Variants in PAFAH1B2 observed in about 807,000 individuals in gnomAD.
The protein encoded by PAFAH1B2 is platelet-activating factor acetylhydrolase IB subunit alpha2.
Under a neutral mutation model 28.0 loss-of-function variants are expected in PAFAH1B2, and 8 were observed. The observed-to-expected ratio is 0.29, with a 90% confidence interval of 0.17 to 0.52. PAFAH1B2 has a LOEUF of 0.52. PAFAH1B2 is among the 20% of genes least tolerant of loss of function. PAFAH1B2 has a pLI of 0.97. For synonymous variants in PAFAH1B2, 104 were observed against 103.2 expected (o/e 1.01, Z -0.05); for missense variants, 190 against 282.6 (o/e 0.67, Z 2.35).
rs1956556218 is a variant in PAFAH1B2 at position 117,168,226 on chromosome 11, T to C, written c.*527T>C. On this transcript the variant is annotated 3_prime_UTR_variant, in exon 6 of 6. Transcript: ENST00000527958. Reference sequence around the variant, plus strand: ...TCAGGTTGAACATGCTTGTCATTGATATATGGAAGATGCTATAGTTAGAAG... The same window carrying C: ...TCAGGTTGAACATGCTTGTCATTGACATATGGAAGATGCTATAGTTAGAAG... 3 of 1,059,188 alleles carry C rather than the reference T, an allele frequency of 2.8e-6. No individual in the cohort carries two copies. The highest frequency in any genetic ancestry group is 1.1e-4 in the Admixed American group (2 of 18,598). The allele number at this position is 1,059,188 out of a possible 1,614,324, so 65.6% of individuals were successfully genotyped here.
chr11:117,155,283 G>GA (rs1390906919), intron 2 of PAFAH1B2, among the ~76,000 whole-genome samples: 2 of 152,186 alleles, frequency 1.3e-5, no homozygotes, highest in Non-Finnish European at 2.9e-5. Flanking sequence ...GGGTAGTGTT[G>GA]AAAGACTTGC....
chr11:117,164,593 A>G (rs760197633), intron 5 of PAFAH1B2, among the ~76,000 whole-genome samples: 3 of 152,190 alleles, frequency 2.0e-5, no homozygotes, highest in African/African-American at 7.2e-5. Context: ...TAGACATTCT[A>G]ATCTTCTCTA....
chr11:117,151,185 T>C lies in PAFAH1B2; in HGVS notation c.-7-1256T>C, dbSNP rs114731712. ...AGTTCTAATTTTGCGGAATTTTACT[T>C]GCTAGATGACATATTTGGACTCATC... On this transcript the variant is annotated intron_variant, in intron 1 of 5. Transcript: ENST00000527958. Among the ~76,000 whole-genome samples the C allele has an allele frequency of 6.4e-3, 966 of 151,950 alleles. 8 individuals are homozygous for C. Among genetic ancestry groups the C allele is most frequent in the African/African-American group, 0.022 (901 of 41,478 alleles).
At chr11:117,151,237 T>TTC (rs1415726549) in intron 1 of PAFAH1B2, among the ~76,000 whole-genome samples, 6 of 148,938 alleles carry the variant, frequency 4.0e-5, no homozygotes, top group African/African-American at 1.5e-4. Context: ...CTTTTTCTTT[T>TTC]TTTTTTTTTT....
chr11:117,171,778 G>A (rs753683167), downstream of PAFAH1B2: 132 of 1,515,724 alleles, frequency 8.7e-5, 1 homozygote, highest in Middle Eastern at 3.4e-4. Flanking sequence ...ATGTTCCTTG[G>A]CAGCTAAAAG....
chr11:117,158,199 C>CT (rs755464271), intron 2 of PAFAH1B2, among the ~76,000 whole-genome samples: 2 of 152,094 alleles, frequency 1.3e-5, no homozygotes, highest in Non-Finnish European at 1.5e-5. Context: ...AATTTGTTTT[C>CT]TTTTTTCTTT....
rs1015290556 is a variant in PAFAH1B2, at chr11:117,169,841, A to G, written c.*2142A>G. The G allele has an allele frequency of 9.5e-7, 1 of 1,055,060 alleles. No homozygotes were observed. Among genetic ancestry groups the G allele is most frequent in the African/African-American group, 1.7e-5 (1 of 60,348 alleles). 65.4% of individuals were successfully genotyped at this position (1,055,060 alleles called of 1,614,324 possible). A position where few individuals can be genotyped will look rare whatever the true frequency, so the allele number is the denominator to read the frequency against. On this transcript the variant is annotated 3_prime_UTR_variant, in exon 6 of 6. Transcript: ENST00000527958. ...CTATCCACGTCTTTTTCTGTTTGTC[A>G]GAAGGTGGGAGTATGGTCCAAATAA...
At chr11:117,162,278 C>T (rs1956391638) in intron 4 of PAFAH1B2, among the ~76,000 whole-genome samples, 1 of 152,126 alleles carries the variant, frequency 6.6e-6, no homozygotes, top group Non-Finnish European at 1.5e-5. Flanking sequence ...GGACTGCAGG[C>T]ATGTGCCACC....
At chr11:117,157,518 C>CT (rs1423070655) in intron 2 of PAFAH1B2, among the ~76,000 whole-genome samples, 1 of 152,160 alleles carries the variant, frequency 6.6e-6, no homozygotes, top group East Asian at 1.9e-4. Flanking sequence ...GGATGAATAT[C>CT]TGAGTTTTAC....
In PAFAH1B2 at chr11:117,170,743, T is replaced by A. The variant is rs1956634144; in HGVS notation, c.*3044T>A. On this transcript the variant is annotated 3_prime_UTR_variant, in exon 6 of 6. Coordinates refer to ENST00000527958, the MANE Select transcript of PAFAH1B2 (RefSeq NM_002572.4). ...TGTCTGTGCTGTGGTGTATGAGCATTGCCAACTTTATATTTATTGCAGTGA... is the reference window on the plus strand; with the variant it reads ...TGTCTGTGCTGTGGTGTATGAGCATAGCCAACTTTATATTTATTGCAGTGA... 3 of 1,060,912 alleles carry A rather than the reference T, an allele frequency of 2.8e-6. No homozygotes were observed. Among genetic ancestry groups the A allele is most frequent in the Non-Finnish European group, 3.4e-6 (3 of 876,688 alleles). 65.7% of individuals were successfully genotyped at this position (1,060,912 alleles called of 1,614,324 possible). A position where few individuals can be genotyped will look rare whatever the true frequency, so the allele number is the denominator to read the frequency against.
At chr11:117,161,022 C>T (rs1956359274) in intron 3 of PAFAH1B2, 123 bp from the exon 4 acceptor site, 1 of 681,276 alleles carries the variant, frequency 1.5e-6, no homozygotes, top group Admixed American at 2.9e-5. Flanking sequence ...AACAGTGTCA[C>T]ACCATTACAG....
At chr11:117,173,242 A>G (rs59886407), downstream of PAFAH1B2, among the ~76,000 whole-genome samples, 1 of 152,348 alleles carries the variant, frequency 6.6e-6, no homozygotes, top group African/African-American at 2.4e-5. Context: ...CCCAGTGTGA[A>G]TGGTGAAAGC....
At chr11:117,171,617 C>A, downstream of PAFAH1B2, 1 of 1,093,912 alleles carries the variant, frequency 9.1e-7, no homozygotes. Flanking sequence ...CCCTTACGTC[C>A]CCAGGGTAAA....
chr11:117,150,890 A>G (rs2134173132), intron 1 of PAFAH1B2, among the ~76,000 whole-genome samples: 1 of 151,642 alleles, frequency 6.6e-6, no homozygotes, highest in African/African-American at 2.4e-5. Context: ...TGGGAGGCTG[A>G]GGCAGGAGAA....
rs1204712904 is a variant in PAFAH1B2, at chr11:117,169,007, T to G, written c.*1308T>G. On this transcript the variant is annotated 3_prime_UTR_variant, in exon 6 of 6. Transcript: ENST00000527958. ...GATTTCGCCATGTTAACCAGGCTGG[T>G]CTCGAACTCCTGACCTCAGGTGATC... The G allele has an allele frequency of 2.3e-6, 1 of 438,676 alleles. No individual in the cohort carries two copies. Among genetic ancestry groups the G allele is most frequent in the African/African-American group, 2.1e-5 (1 of 47,330 alleles). 27.2% of individuals were successfully genotyped at this position (438,676 alleles called of 1,614,324 possible). A position where few individuals can be genotyped will look rare whatever the true frequency, so the allele number is the denominator to read the frequency against.
chr11:117,172,226 A>C (rs1313242366), downstream of PAFAH1B2, among the ~76,000 whole-genome samples: 1 of 152,030 alleles, frequency 6.6e-6, no homozygotes, highest in Non-Finnish European at 1.5e-5. Context: ...ATGAAATCTT[A>C]ACCCAATGAC....
chr11:117,171,439 G>A (rs1223424146), downstream of PAFAH1B2, among the ~76,000 whole-genome samples: 2 of 152,116 alleles, frequency 1.3e-5, no homozygotes, highest in Non-Finnish European at 2.9e-5. Context: ...AGGAGGCTGA[G>A]GTGGGAGAAT....
Position 117,163,298 on chromosome 11 carries a change from G to T in PAFAH1B2, c.289-472G>T, listed in dbSNP as rs529484219. 2.4e-4 allele frequency among the ~76,000 whole-genome samples: 37 copies of T among 152,064 alleles called. No individual in the cohort carries two copies. The South Asian group carries it at 7.3e-3, about 30-fold the overall frequency. On this transcript the variant is annotated intron_variant, in intron 4 of 5. Coordinates refer to ENST00000527958, the MANE Select transcript of PAFAH1B2 (RefSeq NM_002572.4). Reference sequence around the variant, plus strand: ...TAGCATGACCCTCTATCTCTTAAAAGAAAATTTAATAGGATAGCTGCCCAG... The same window carrying T: ...TAGCATGACCCTCTATCTCTTAAAATAAAATTTAATAGGATAGCTGCCCAG...
At position 117,149,429 on chromosome 11, in the gene PAFAH1B2, C is replaced by CTTTTTTTTTTTTTTTT. The variant is rs1565260556; in HGVS notation, c.-7-3012_-7-3011insTTTTTTTTTTTTTTTT. ...TTTAATTTAAAAAAAGTTTTCTAAT[C>CTTTTTTTTTTTTTTTT]GTTTTTTTTTTTTTTGAGATGGAGT... On this transcript the variant is annotated intron_variant, in intron 1 of 5. Coordinates refer to ENST00000527958, the MANE Select transcript of PAFAH1B2 (RefSeq NM_002572.4). Among the ~76,000 whole-genome samples the CTTTTTTTTTTTTTTTT allele has an allele frequency of 9.0e-4, 30 of 33,518 alleles. 1 individual carries two copies. The highest frequency in any genetic ancestry group is 1.5e-3 in the African/African-American group (14 of 9,408). The allele number at this position is 33,518 out of a possible 152,430, so 22.0% of individuals were successfully genotyped here. A position where few individuals can be genotyped will look rare whatever the true frequency, so the allele number is the denominator to read the frequency against.
Sources: gnomAD v4.1 joint callset for allele counts (sites outside exome capture counted in the v4.1 genomes callset) on GRCh38, gnomAD v4.1.1 for gene constraint, MANE v1.5 for transcripts, NCBI Gene and HGNC (gene_info 2026-07-23, HGNC 2026-07-21) for gene names.